Variants in ETV2 observed in about 807,000 individuals in gnomAD.
ETV2 encodes the protein ETS translocation variant 2.
In ETV2, 34 loss-of-function variants were observed where a neutral mutation model predicts 35.7. The ratio of observed to expected loss-of-function variants is 0.95; its 90% CI spans 0.72 to 1.27. The LOEUF is 1.27. Among genes scored for constraint, ETV2 ranks in the 50% most tolerant of loss-of-function variants. The pLI is 0.00. For missense variants in ETV2, 512 were observed against 470.5 expected (o/e 1.09, Z -0.82); for synonymous variants, 207 against 203.9 (o/e 1.02, Z -0.13).
In ETV2 at chr19:35,642,171, G is replaced by A; in HGVS notation, c.-28+15G>A. 1 of 285,166 alleles carries A rather than the reference G, an allele frequency of 3.5e-6. No individual in the cohort carries two copies. The highest frequency in any genetic ancestry group is 6.6e-6 in the Non-Finnish European group (1 of 152,486). The allele number at this position is 285,166 out of a possible 1,614,324, so 17.7% of individuals were successfully genotyped here. A position where few individuals can be genotyped will look rare whatever the true frequency, so the allele number is the denominator to read the frequency against. ...ACCCGCCAGAGGTGAGCGATGAACT[G>A]AGGACTAGATGCCTGGGTGTCTGGG... On this transcript the variant is annotated intron_variant, in intron 1 of 6. Coordinates refer to ENST00000402764, the MANE Select transcript of ETV2 (RefSeq NM_014209.4). The surrounding 1 kb of genome is among the most constrained non-coding windows in gnomAD (Gnocchi z 4.4).
In ETV2 at chr19:35,643,616, C is replaced by T. The variant is rs1472942090; in HGVS notation, c.578C>T (p.Ser193Phe). 6.2e-7 allele frequency: 1 copy of T among 1,611,636 alleles called. No homozygotes were observed. The highest frequency in any genetic ancestry group is 1.3e-5 in the African/African-American group (1 of 74,994). The stretch of plus-strand genomic sequence containing the variant: ...CCCGCGGGCCCGGACTGTACCACCT[C>T]CTGGAACCCGGGGCTGCATGCGGGT... ...GGPAGPDCTT[S>F]WNPGLHAGGT... Residue 193 changes from serine to phenylalanine, a missense_variant, in exon 5 of 7, where the codon TCC becomes TTC. Coordinates refer to ENST00000402764, the MANE Select transcript of ETV2 (RefSeq NM_014209.4). This position sits in a 1 kb window ranked among gnomAD's most constrained non-coding sequence, Gnocchi z 5.0.
In ETV2 at chr19:35,644,260, C is replaced by T; in HGVS notation, c.741C>T (p.Leu247=). 6.4e-7 allele frequency: 1 copy of T among 1,562,356 alleles called. No homozygotes were observed. Among genetic ancestry groups the T allele is most frequent in the Non-Finnish European group, 8.7e-7 (1 of 1,152,770 alleles). ...HRGPIQLWQF[L]LELLHDGARS... ...GTCCCATTCAGCTGTGGCAGTTCCT[C>T]CTGGAGCTGCTCCACGACGGGGCGC... The change falls in exon 6 of 7, where the codon CTC becomes CTT. Residue 247 remains leucine, a synonymous_variant. Coordinates refer to ENST00000402764, the MANE Select transcript of ETV2 (RefSeq NM_014209.4). This position sits in a 1 kb window ranked among gnomAD's most constrained non-coding sequence, Gnocchi z 4.7.
At position 35,643,504 on chromosome 19, in the gene ETV2, T is replaced by G. The variant is rs944246096; in HGVS notation, c.466T>G (p.Cys156Gly). The G allele has an allele frequency of 4.5e-6, 7 of 1,549,530 alleles. No individual in the cohort carries two copies. The highest frequency in any genetic ancestry group is 6.1e-6 in the Non-Finnish European group (7 of 1,146,434). Reference protein sequence around the residue: ...QAAGSNTSWDCSVGPDGDTYW... With the variant: ...QAAGSNTSWDGSVGPDGDTYW... The stretch of plus-strand genomic sequence containing the variant: ...CGCCGGGAGCAACACCAGCTGGGAC[T>G]GTTCTGTGGGGCCCGACGGCGATAC... The change falls in exon 5 of 7, where the codon TGT becomes GGT. Residue 156 changes from cysteine (C) to glycine (G), a missense_variant. Physicochemically the swap from Cys to Gly is radical, Grantham distance 159 (BLOSUM62 -3). Coordinates refer to ENST00000402764, the MANE Select transcript of ETV2 (RefSeq NM_014209.4). This position sits in a 1 kb window ranked among gnomAD's most constrained non-coding sequence, Gnocchi z 5.0.
Position 35,644,210 on chromosome 19 carries a change from G to T in ETV2, c.716-25G>T. 6.9e-7 allele frequency: 1 copy of T among 1,447,120 alleles called. No homozygotes were observed. The highest frequency in any genetic ancestry group is 9.5e-7 in the Non-Finnish European group (1 of 1,051,250). The allele number at this position is 1,447,120 out of a possible 1,614,324, so 89.6% of individuals were successfully genotyped here. A position where few individuals can be genotyped will look rare whatever the true frequency, so the allele number is the denominator to read the frequency against. On this transcript the variant is annotated intron_variant, in intron 5 of 6. Transcript: ENST00000402764. The surrounding 1 kb of genome is among the most constrained non-coding windows in gnomAD (Gnocchi z 4.7). ...TGTGATCTAGGGCCGGGAAGACTGA[G>T]TGTGCCCCTCCCTTCATCCCGCAGG...
Position 35,644,570 on chromosome 19 carries a change from C to T in ETV2, c.829-82C>T, listed in dbSNP as rs950187873. 7.2e-7 allele frequency: 1 copy of T among 1,389,422 alleles called. No homozygotes were observed. The highest frequency in any genetic ancestry group is 9.7e-7 in the Non-Finnish European group (1 of 1,025,948). The allele number at this position is 1,389,422 out of a possible 1,614,324, so 86.1% of individuals were successfully genotyped here. On this transcript the variant is annotated intron_variant, in intron 6 of 6. Transcript: ENST00000402764. The surrounding 1 kb of genome is among the most constrained non-coding windows in gnomAD (Gnocchi z 4.7). ...CGAGGCCTCGCCCAGGTCTGCACTG[C>T]ACACCGCCCCCAGGCCCGGCCCTCC...
In ETV2 at chr19:35,644,537, G is replaced by T; in HGVS notation, c.829-115G>T. On this transcript the variant is annotated intron_variant, in intron 6 of 6. Coordinates refer to ENST00000402764, the MANE Select transcript of ETV2 (RefSeq NM_014209.4). This position sits in a 1 kb window ranked among gnomAD's most constrained non-coding sequence, Gnocchi z 4.7. The stretch of plus-strand genomic sequence containing the variant: ...TGCCTCAACCAACCCAGTCTCCACC[G>T]GGCTCTGCGAGGCCTCGCCCAGGTC... The T allele has an allele frequency of 1.9e-6, 2 of 1,069,524 alleles. No individual in the cohort carries two copies. The highest frequency in any genetic ancestry group is 1.6e-5 in the South Asian group (1 of 62,554). 66.3% of individuals were successfully genotyped at this position (1,069,524 alleles called of 1,614,324 possible).
chr19:35,644,084 C>A lies in ETV2; in HGVS notation c.716-151C>A, dbSNP rs1967698872. On this transcript the variant is annotated intron_variant, in intron 5 of 6. Coordinates refer to ENST00000402764, the MANE Select transcript of ETV2 (RefSeq NM_014209.4). The surrounding 1 kb of genome is among the most constrained non-coding windows in gnomAD (Gnocchi z 4.7). The stretch of plus-strand genomic sequence containing the variant: ...ACTGGGGCCCTGGACGCTTGAGTCT[C>A]CAAGGCTGACTGTTGGATCTCAGAG... 5 of 696,534 alleles carry A rather than the reference C, an allele frequency of 7.2e-6. No homozygotes were observed. The highest frequency in any genetic ancestry group is 1.0e-5 in the Non-Finnish European group (4 of 392,426). 43.1% of individuals were successfully genotyped at this position (696,534 alleles called of 1,614,324 possible).
chr19:35,642,362 C>T lies in ETV2; in HGVS notation c.-27-72C>T, dbSNP rs78901955. 2 of 771,892 alleles carry T rather than the reference C, an allele frequency of 2.6e-6. No homozygotes were observed. Among genetic ancestry groups the T allele is most frequent in the Non-Finnish European group, 4.1e-6 (2 of 482,972 alleles). The allele number at this position is 771,892 out of a possible 1,614,324, so 47.8% of individuals were successfully genotyped here. A position where few individuals can be genotyped will look rare whatever the true frequency, so the allele number is the denominator to read the frequency against. On this transcript the variant is annotated intron_variant, in intron 1 of 6. Coordinates refer to ENST00000402764, the MANE Select transcript of ETV2 (RefSeq NM_014209.4). The surrounding 1 kb of genome is among the most constrained non-coding windows in gnomAD (Gnocchi z 4.4). ...CTCCTGGCTCTGAGGGAAGCTAGGG[C>T]TGGGGCCCAGACTCCAGGGCCTCCA...
In ETV2 at chr19:35,642,857, C is replaced by A; in HGVS notation, c.155-108C>A. 1.0e-6 allele frequency: 1 copy of A among 974,320 alleles called. No homozygotes were observed. Among genetic ancestry groups the A allele is most frequent in the Non-Finnish European group, 1.6e-6 (1 of 626,738 alleles). 60.4% of individuals were successfully genotyped at this position (974,320 alleles called of 1,614,324 possible). A position where few individuals can be genotyped will look rare whatever the true frequency, so the allele number is the denominator to read the frequency against. ...GTGAAGGAAAAGGGGGCGCGGGGTGCTGAAATACGGGCTGGGGGGCCATAA... is the reference window on the plus strand; with the variant it reads ...GTGAAGGAAAAGGGGGCGCGGGGTGATGAAATACGGGCTGGGGGGCCATAA... On this transcript the variant is annotated intron_variant, in intron 3 of 6. Transcript: ENST00000402764. The surrounding 1 kb of genome is among the most constrained non-coding windows in gnomAD (Gnocchi z 4.4).
Position 35,643,411 on chromosome 19 carries a change from G to C in ETV2, c.373G>C (p.Glu125Gln), listed in dbSNP as rs1229099785. The C allele has an allele frequency of 6.5e-7, 1 of 1,543,968 alleles. No homozygotes were observed. The highest frequency in any genetic ancestry group is 1.2e-5 in the South Asian group (1 of 83,710). The change falls in exon 5 of 7, where the codon GAA (glutamate) becomes CAA (glutamine). Residue 125 changes from glutamate (E) to glutamine (Q), a missense_variant. Physicochemically the swap from Glu to Gln is conservative, Grantham distance 29. Coordinates refer to ENST00000402764, the MANE Select transcript of ETV2 (RefSeq NM_014209.4). This position sits in a 1 kb window ranked among gnomAD's most constrained non-coding sequence, Gnocchi z 5.0. Reference sequence around the variant, plus strand: ...GGGCCCCATCCCCGCCGCCGGCTCCGAAGGCGCCGCGGGCCAGAACTGCGT... The same window carrying C: ...GGGCCCCATCCCCGCCGCCGGCTCCCAAGGCGCCGCGGGCCAGAACTGCGT... ...GPGPIPAAGS[E>Q]GAAGQNCVPV...
rs926233227 is a variant in ETV2 at position 35,643,864 on chromosome 19, A to C, written c.715+111A>C. 8 of 1,483,848 alleles carry C rather than the reference A, an allele frequency of 5.4e-6. No individual in the cohort carries two copies. The East Asian group carries it at 1.8e-4, about 34-fold the overall frequency. The allele number at this position is 1,483,848 out of a possible 1,614,324, so 91.9% of individuals were successfully genotyped here. Reference sequence around the variant, plus strand: ...ACTGACAGTGAGGGGGCGGGGGCTTAGGGACCAGGGGCTCGAAGGAGGGGC... The same window carrying C: ...ACTGACAGTGAGGGGGCGGGGGCTTCGGGACCAGGGGCTCGAAGGAGGGGC... On this transcript the variant is annotated intron_variant, in intron 5 of 6. Transcript: ENST00000402764. The surrounding 1 kb of genome is among the most constrained non-coding windows in gnomAD (Gnocchi z 5.0).
rs769879929 is a variant in ETV2 at position 35,644,822 on chromosome 19, G to C, written c.999G>C (p.Ala333=). Residue 333 remains alanine, a synonymous_variant, in exon 7 of 7, where the codon GCG becomes GCC. Transcript: ENST00000402764. The surrounding 1 kb of genome is among the most constrained non-coding windows in gnomAD (Gnocchi z 4.7). ...RVPSLAYPDC[A]GGGRGAETQ is the part of the protein sequence containing the mutation. ...CCAGCCTAGCCTATCCGGACTGTGC[G>C]GGAGGCGGACGGGGAGCAGAGACAC... 6.8e-6 allele frequency: 11 copies of C among 1,610,554 alleles called. No homozygotes were observed.
At position 35,643,353 on chromosome 19, in the gene ETV2, C is replaced by A; in HGVS notation, c.315C>A (p.Ala105=). The part of the protein sequence containing the change: ...ACTAWDSWSG[A]SQTLGPAPLG... ...CAGCCTGGGACTCTTGGAGCGGCGC[C>A]TCGCAGACCCTGGGCCCCGCCCCTC... The change falls in exon 5 of 7, where the codon GCC becomes GCA. Residue 105 remains alanine (A), a synonymous_variant. Coordinates refer to ENST00000402764, the MANE Select transcript of ETV2 (RefSeq NM_014209.4). This position sits in a 1 kb window ranked among gnomAD's most constrained non-coding sequence, Gnocchi z 5.0. 1 of 1,586,816 alleles carries A rather than the reference C, an allele frequency of 6.3e-7. No homozygotes were observed.
chr19:35,644,669 C>A lies in ETV2; in HGVS notation c.846C>A (p.Gly282=), dbSNP rs1967717775. 1.2e-6 allele frequency: 2 copies of A among 1,604,836 alleles called. No homozygotes were observed. Among genetic ancestry groups the A allele is most frequent in the African/African-American group, 1.3e-5 (1 of 74,796 alleles). ...TGTCCTAGGTGGCTCGGCTGTGGGGCGAGCGCAAGAGAAAGCCGGGCATGA... is the reference window on the plus strand; with the variant it reads ...TGTCCTAGGTGGCTCGGCTGTGGGGAGAGCGCAAGAGAAAGCCGGGCATGA... ...CDPKEVARLW[G]ERKRKPGMNY... Residue 282 remains glycine, a synonymous_variant, in exon 7 of 7, where the codon GGC becomes GGA. Coordinates refer to ENST00000402764, the MANE Select transcript of ETV2 (RefSeq NM_014209.4). This position sits in a 1 kb window ranked among gnomAD's most constrained non-coding sequence, Gnocchi z 4.7.
In ETV2 at chr19:35,642,814, C is replaced by A; in HGVS notation, c.154+116C>A. 1.0e-6 allele frequency: 1 copy of A among 1,003,048 alleles called. No individual in the cohort carries two copies. The highest frequency in any genetic ancestry group is 1.5e-6 in the Non-Finnish European group (1 of 656,348). The allele number at this position is 1,003,048 out of a possible 1,614,324, so 62.1% of individuals were successfully genotyped here. ...CCTGGGACTGGGTGGGGAGGGGCCGCGTGCTTGACCCCTGAGGGTGAAGGA... is the reference window on the plus strand; with the variant it reads ...CCTGGGACTGGGTGGGGAGGGGCCGAGTGCTTGACCCCTGAGGGTGAAGGA... On this transcript the variant is annotated intron_variant, in intron 3 of 6. Coordinates refer to ENST00000402764, the MANE Select transcript of ETV2 (RefSeq NM_014209.4). This position sits in a 1 kb window ranked among gnomAD's most constrained non-coding sequence, Gnocchi z 4.4.
In ETV2 at chr19:35,644,786, G is replaced by A. The variant is rs762984519; in HGVS notation, c.963G>A (p.Gly321=). The change falls in exon 7 of 7, where the codon GGG becomes GGA. Residue 321 remains glycine (G), a synonymous_variant. Transcript: ENST00000402764. The surrounding 1 kb of genome is among the most constrained non-coding windows in gnomAD (Gnocchi z 4.7). The part of the protein sequence containing the change: ...SGGRKYTYRF[G]GRVPSLAYPD... Reference sequence around the variant, plus strand: ...GGCGAAAGTACACGTACCGCTTCGGGGGCCGCGTGCCCAGCCTAGCCTATC... The same window carrying A: ...GGCGAAAGTACACGTACCGCTTCGGAGGCCGCGTGCCCAGCCTAGCCTATC... 3.7e-6 allele frequency: 6 copies of A among 1,611,994 alleles called. No individual in the cohort carries two copies. The highest frequency in any genetic ancestry group is 5.1e-6 in the Non-Finnish European group (6 of 1,179,314).
At position 35,643,362 on chromosome 19, in the gene ETV2, C is replaced by A; in HGVS notation, c.324C>A (p.Thr108=). The change falls in exon 5 of 7, where the codon ACC becomes ACA. Residue 108 remains threonine (T), a synonymous_variant. Coordinates refer to ENST00000402764, the MANE Select transcript of ETV2 (RefSeq NM_014209.4). This position sits in a 1 kb window ranked among gnomAD's most constrained non-coding sequence, Gnocchi z 5.0. ...AWDSWSGASQ[T]LGPAPLGPGP... ...ACTCTTGGAGCGGCGCCTCGCAGAC[C>A]CTGGGCCCCGCCCCTCTCGGCCCGG... The A allele has an allele frequency of 6.3e-7, 1 of 1,578,400 alleles. No individual in the cohort carries two copies. The highest frequency in any genetic ancestry group is 8.6e-7 in the Non-Finnish European group (1 of 1,163,908).
In ETV2 at chr19:35,644,794, T is replaced by C. The variant is rs139031529; in HGVS notation, c.971T>C (p.Val324Ala). The change falls in exon 7 of 7, where the codon GTG (valine) becomes GCG (alanine). Residue 324 changes from valine to alanine, a missense_variant. Physicochemically the swap from Val to Ala is moderately conservative, Grantham distance 64. Coordinates refer to ENST00000402764, the MANE Select transcript of ETV2 (RefSeq NM_014209.4). The surrounding 1 kb of genome is among the most constrained non-coding windows in gnomAD (Gnocchi z 4.7). Reference sequence around the variant, plus strand: ...TACACGTACCGCTTCGGGGGCCGCGTGCCCAGCCTAGCCTATCCGGACTGT... The same window carrying C: ...TACACGTACCGCTTCGGGGGCCGCGCGCCCAGCCTAGCCTATCCGGACTGT... ...RKYTYRFGGR[V>A]PSLAYPDCAG... 2.0e-5 allele frequency: 33 copies of C among 1,611,682 alleles called. 1 individual carries two copies. In the African/African-American group the frequency reaches 4.3e-4, roughly 21 times the overall value.
rs1967649503 is a variant in ETV2, at chr19:35,643,078, A to G, written c.235+33A>G. On this transcript the variant is annotated intron_variant, in intron 4 of 6. Coordinates refer to ENST00000402764, the MANE Select transcript of ETV2 (RefSeq NM_014209.4). This position sits in a 1 kb window ranked among gnomAD's most constrained non-coding sequence, Gnocchi z 5.0. ...TGGGGAGAGGCGGTGGGAGGTGGGG[A>G]CTGGGGTCCCGAGGCACCGGGGCTA... 1 of 1,445,988 alleles carries G rather than the reference A, an allele frequency of 6.9e-7. No homozygotes were observed. The highest frequency in any genetic ancestry group is 9.4e-7 in the Non-Finnish European group (1 of 1,060,172). 89.6% of individuals were successfully genotyped at this position (1,445,988 alleles called of 1,614,324 possible).
Sources: gnomAD v4.1 joint callset for allele counts on GRCh38, gnomAD v4.1.1 for gene constraint, Gnocchi (gnomAD v3.1) non-coding constraint, MANE v1.5 for transcripts, NCBI Gene and HGNC (gene_info 2026-07-23, HGNC 2026-07-21) for gene names.